The following SNX31 variants were observed in gnomAD, a reference collection of about 807,000 sequenced individuals.
SNX31 encodes sorting nexin 31.
A neutral mutation model predicts 65.4 loss-of-function variants in SNX31; 58 were observed. That is an observed-to-expected ratio of 0.89 (90% CI 0.72 to 1.10). The LOEUF is 1.10. Ranked by LOEUF, SNX31 falls within the 50% of genes least tolerant of loss-of-function variation. SNX31 has a pLI of 0.00. For synonymous variants in SNX31, 181 were observed against 190.1 expected, an observed-to-expected ratio of 0.95 and a Z score of 0.39; for missense variants, 523 against 529.7, an observed-to-expected ratio of 0.99 and a Z score of 0.12.
At chr8:100,639,818 T>C (rs1447229921) in intron 2 of SNX31, among the ~76,000 whole-genome samples, 1 of 151,954 alleles carries the variant, frequency 6.6e-6, no homozygotes, top group Non-Finnish European at 1.5e-5. Flanking sequence ...TATGGAGAAA[T>C]GGCTGATTTC....
In SNX31 at chr8:100,629,965, G is replaced by T. The variant is rs1370198300; in HGVS notation, c.321+362C>A. 6.6e-6 allele frequency among the ~76,000 whole-genome samples: 1 copy of T among 152,170 alleles called. No individual in the cohort carries two copies. The highest frequency in any genetic ancestry group is 2.4e-5 in the African/African-American group (1 of 41,440). On this transcript the variant is annotated intron_variant, in intron 4 of 13. Coordinates refer to ENST00000311812, the MANE Select transcript of SNX31 (RefSeq NM_152628.4). The surrounding 1 kb of genome is among the most constrained non-coding windows in gnomAD (Gnocchi z 5.1). ...TTGGAAATCTCAGCTACAGAAGCAG[G>T]GTCACAGACATGTTATGGGAACCCT...
chr8:100,650,948 G>A (rs944789995), upstream of SNX31, among the ~76,000 whole-genome samples: 1 of 151,876 alleles, frequency 6.6e-6, no homozygotes, highest in African/African-American at 2.4e-5. Context: ...TGCCTCCCGG[G>A]TTCAAGTGAT....
intron 4 of SNX31, chr8:100,618,357 C>T (rs1361357383): frequency 3.3e-6 from 5 of 1,534,392 alleles, no homozygotes; most frequent in Middle Eastern, 1.7e-4. Flanking sequence ...CCAAGCATCC[C>T]TAAAGCCCAT....
chr8:100,583,981 T>C (rs1475616607), intron 12 of SNX31, 130 bp downstream of exon 12: 1 of 679,974 alleles, frequency 1.5e-6, no homozygotes, highest in Non-Finnish European at 2.4e-6. Flanking sequence ...AGCTCACTTC[T>C]GTGGTTTGGA....
At chr8:100,654,979 C>CTGAAAA (rs1820034164) in intron 1 of SNX31, among the ~76,000 whole-genome samples, 1 of 152,212 alleles carries the variant, frequency 6.6e-6, no homozygotes, top group South Asian at 2.1e-4. Context: ...TGCCATTGCA[C>CTGAAAA]TTCAGCCTGG....
chr8:100,627,017 A>G (rs1265082024), intron 4 of SNX31, among the ~76,000 whole-genome samples: 1 of 152,226 alleles, frequency 6.6e-6, no homozygotes, highest in African/African-American at 2.4e-5. Context: ...TATTAAGGAA[A>G]TGAAATCAGG....
intron 9 of SNX31, among the ~76,000 whole-genome samples, chr8:100,598,866 A>G (rs180687968): frequency 2.0e-4 from 31 of 152,242 alleles, no homozygotes; most frequent in Non-Finnish European, 4.4e-5. Context: ...TAGACAATAC[A>G]TGAATGAGTG....
intron 1 of SNX31, among the ~76,000 whole-genome samples, chr8:100,655,124 T>C (rs927397258): frequency 3.3e-5 from 5 of 151,998 alleles, no homozygotes; most frequent in African/African-American, 1.2e-4. Flanking sequence ...TACCAGCACC[T>C]TGGGGAAGGG....
intron 2 of SNX31, among the ~76,000 whole-genome samples, chr8:100,637,342 C>T (rs1164941763): frequency 6.6e-6 from 1 of 152,110 alleles, no homozygotes; most frequent in African/African-American, 2.4e-5. Flanking sequence ...TGACATGGTA[C>T]CTCTAGAGCA....
chr8:100,583,403 C>G (rs113192148), intron 12 of SNX31, among the ~76,000 whole-genome samples: 6,400 of 151,860 alleles, frequency 0.042, 434 homozygotes, highest in African/African-American at 0.14. Flanking sequence ...CCATGCCCGG[C>G]CCCAGGCATT....
rs1813206491 is a variant in SNX31, at chr8:100,578,214, C to T, written c.1171-1139G>A. Among the ~76,000 whole-genome samples the T allele has an allele frequency of 6.6e-6, 1 of 152,278 alleles. No individual in the cohort carries two copies. Among genetic ancestry groups the T allele is most frequent in the African/African-American group, 2.4e-5 (1 of 41,552 alleles). On this transcript the variant is annotated intron_variant, in intron 12 of 13. Coordinates refer to ENST00000311812, the MANE Select transcript of SNX31 (RefSeq NM_152628.4). The surrounding 1 kb of genome is among the most constrained non-coding windows in gnomAD (Gnocchi z 4.7). ...TGGAAAGGCAGAGTGCCTGGCACAC[C>T]TAGTAAACACCACCTAGCCAGGCTT...
At chr8:100,618,407 G>A in intron 4 of SNX31, 2 of 1,283,812 alleles carry the variant, frequency 1.6e-6, no homozygotes, top group Non-Finnish European at 2.2e-6. Flanking sequence ...GGTGGGGGCA[G>A]GGGGAAGGTG....
chr8:100,649,003 C>A (rs1216186578), intron 2 of SNX31, among the ~76,000 whole-genome samples: 1 of 152,258 alleles, frequency 6.6e-6, no homozygotes, highest in Non-Finnish European at 1.5e-5. Context: ...GCGGGGATCA[C>A]CCGGCTGCAA....
intron 1 of SNX31, chr8:100,657,712 T>A (rs1318498143): frequency 2.2e-6 from 1 of 455,378 alleles, no homozygotes; most frequent in African/African-American, 2.0e-5. Context: ...TCACGGGAGA[T>A]GGTGCAGTCA....
At position 100,596,706 on chromosome 8, in the gene SNX31, G is replaced by A; in HGVS notation, c.911C>T (p.Pro304Leu). Reference protein sequence around the residue: ...NNEISCCITLPDSQTQDIVFQ... With the variant: ...NNEISCCITLLDSQTQDIVFQ... ...AACGATGTCCTGGGTCTGGCTGTCA[G>A]GCAGGGTGATGCAGCAGCTGATCTC... Residue 304 changes from proline to leucine, a missense_variant, in exon 10 of 14, where the codon CCT becomes CTT. Pro to Leu is a moderately conservative substitution (Grantham distance 98, BLOSUM62 -3). Coordinates refer to ENST00000311812, the MANE Select transcript of SNX31 (RefSeq NM_152628.4). 6.2e-7 allele frequency: 1 copy of A among 1,614,154 alleles called. No homozygotes were observed.
At chr8:100,637,726 C>T (rs1429331423) in intron 2 of SNX31, among the ~76,000 whole-genome samples, 10 of 152,110 alleles carry the variant, frequency 6.6e-5, no homozygotes, top group Non-Finnish European at 1.2e-4. Context: ...GACAGAGTCT[C>T]GCTCTGTCGC....
intron 5 of SNX31, among the ~76,000 whole-genome samples, chr8:100,616,575 G>T (rs1172209352): frequency 6.6e-6 from 1 of 152,176 alleles, no homozygotes; most frequent in Non-Finnish European, 1.5e-5. Flanking sequence ...AGACTATGCT[G>T]GAAATCAATA....
chr8:100,602,073 G>A (rs1179080832), intron 8 of SNX31, among the ~76,000 whole-genome samples: 1 of 152,186 alleles, frequency 6.6e-6, no homozygotes, highest in Admixed American at 6.5e-5. Flanking sequence ...TTGTCCCTCA[G>A]TTAGGCTGTC....
At chr8:100,635,005 T>C (rs1163295366) in intron 3 of SNX31, among the ~76,000 whole-genome samples, 1 of 152,028 alleles carries the variant, frequency 6.6e-6, no homozygotes, top group Non-Finnish European at 1.5e-5. Context: ...ACCAAGGCTA[T>C]AGTTAGCCAC....
Sources: gnomAD v4.1 joint callset for allele counts (sites outside exome capture counted in the v4.1 genomes callset) on GRCh38, gnomAD v4.1.1 for gene constraint, Gnocchi (gnomAD v3.1) non-coding constraint, MANE v1.5 for transcripts, NCBI Gene and HGNC (gene_info 2026-07-23, HGNC 2026-07-21) for gene names.